DNAI4: variants seen among roughly 807,000 people sequenced by gnomAD.
DNAI4 encodes dynein axonemal intermediate chain 4.
In DNAI4, 85 loss-of-function variants were observed where a neutral mutation model predicts 105.8. The ratio of observed to expected loss-of-function variants is 0.80; its 90% CI spans 0.67 to 0.96. The LOEUF is 0.96. Among genes scored for constraint, DNAI4 ranks in the 40% least tolerant of loss-of-function variants. DNAI4 has a pLI of 0.00. For missense variants in DNAI4, 1,014 were observed against 1,005.6 expected, an observed-to-expected ratio of 1.01 and a Z score of -0.11; for synonymous variants, 352 against 331.5, an observed-to-expected ratio of 1.06 and a Z score of -0.67.
intron 1 of DNAI4, among the ~76,000 whole-genome samples, chr1:66,909,563 C>T (rs1340249866): frequency 1.3e-5 from 2 of 151,582 alleles, no homozygotes; most frequent in Non-Finnish European, 2.9e-5. Context: ...TGGCAATCAT[C>T]CTTGCACTTC....
At chr1:66,832,376 G>T (rs1645884503) in intron 13 of DNAI4, among the ~76,000 whole-genome samples, 1 of 152,150 alleles carries the variant, frequency 6.6e-6, no homozygotes, top group Non-Finnish European at 1.5e-5. Context: ...AGATGATGGT[G>T]TCACCAAAGA....
intron 7 of DNAI4, among the ~76,000 whole-genome samples, chr1:66,857,971 G>C (rs1480342671): frequency 1.3e-5 from 2 of 152,020 alleles, no homozygotes; most frequent in African/African-American, 2.4e-5. Context: ...AAGGAAAAAT[G>C]GATAATCTGA....
chr1:66,886,351 T>G (rs1271598377), intron 4 of DNAI4, among the ~76,000 whole-genome samples: 1 of 152,182 alleles, frequency 6.6e-6, no homozygotes, highest in Non-Finnish European at 1.5e-5. Context: ...GCTTGCTTGA[T>G]CTCTTGAAAA....
intron 1 of DNAI4, among the ~76,000 whole-genome samples, chr1:66,916,889 C>CT (rs57839896): frequency 0.3 from 44,893 of 147,324 alleles, 9,122 homozygotes; most frequent in African/African-American, 0.59. Flanking sequence ...AGATTTTTGC[C>CT]TTTTTTTTTT....
chr1:66,855,551 G>A (rs1646483099), intron 7 of DNAI4, among the ~76,000 whole-genome samples: 1 of 152,176 alleles, frequency 6.6e-6, no homozygotes, highest in Non-Finnish European at 1.5e-5. Context: ...AATCAAAGAA[G>A]CTGGAGTAGC....
At chr1:66,852,120 C>T (rs1319476097) in intron 7 of DNAI4, among the ~76,000 whole-genome samples, 1 of 151,878 alleles carries the variant, frequency 6.6e-6, no homozygotes, top group Non-Finnish European at 1.5e-5. Context: ...AACAACTCTA[C>T]ATAACATAAA....
intron 1 of DNAI4, among the ~76,000 whole-genome samples, chr1:66,914,771 T>C (rs1386709471): frequency 2.6e-5 from 4 of 152,160 alleles, no homozygotes; most frequent in African/African-American, 9.7e-5. Flanking sequence ...ATGCCTAATA[T>C]GTCTATGTAT....
At chr1:66,924,516 C>T (rs552008550) in intron 1 of DNAI4, 146 bp downstream of exon 1, 244 of 1,096,724 alleles carry the variant, frequency 2.2e-4, no homozygotes, top group Admixed American at 1.5e-3. Flanking sequence ...ATAAAGGAGA[C>T]ATTGTGGCCT....
rs183923472 is a variant in DNAI4, at chr1:66,827,809, A to G, written c.2112+3T>C. ...TGTTCCAACCTACTATAATTAAACT[A>G]ACCTTATGTCCTCTGTAGGTATCTA... On this transcript the variant is annotated splice_donor_region_variant and intron_variant, in intron 14 of 16. Coordinates refer to ENST00000371026, the MANE Select transcript of DNAI4 (RefSeq NM_024763.5). 2.8e-3 allele frequency: 4,288 copies of G among 1,521,602 alleles called. 7 individuals are homozygous for G. The highest frequency in any genetic ancestry group is 4.4e-3 in the Admixed American group (227 of 51,092). The allele number at this position is 1,521,602 out of a possible 1,614,324, so 94.3% of individuals were successfully genotyped here. A position where few individuals can be genotyped will look rare whatever the true frequency, so the allele number is the denominator to read the frequency against.
chr1:66,880,803 G>T (rs191075039), intron 4 of DNAI4, among the ~76,000 whole-genome samples: 95 of 152,298 alleles, frequency 6.2e-4, no homozygotes, highest in African/African-American at 2.2e-3. Flanking sequence ...AAGACAATGG[G>T]GAAAATGTCT....
At chr1:66,829,843 G>A (rs997654913) in intron 13 of DNAI4, among the ~76,000 whole-genome samples, 12 of 152,040 alleles carry the variant, frequency 7.9e-5, no homozygotes, top group Non-Finnish European at 1.0e-4. Context: ...ATAAATTCAC[G>A]GAGTTCAGTT....
chr1:66,913,608 A>C (rs1649824277), intron 1 of DNAI4, among the ~76,000 whole-genome samples: 2 of 152,106 alleles, frequency 1.3e-5, no homozygotes, highest in African/African-American at 4.8e-5. Context: ...TTGCCCAGGA[A>C]ATATATATAA....
intron 10 of DNAI4, among the ~76,000 whole-genome samples, chr1:66,837,338 C>T (rs1646046159): frequency 7.6e-6 from 1 of 131,376 alleles, no homozygotes; most frequent in East Asian, 2.5e-4. Context: ...GCACTCCAGC[C>T]TGGGCGACAA....
At chr1:66,839,336 G>T (rs967007737) in intron 9 of DNAI4, among the ~76,000 whole-genome samples, 9 of 152,032 alleles carry the variant, frequency 5.9e-5, no homozygotes, top group African/African-American at 2.2e-4. Flanking sequence ...GTTTTATAAA[G>T]ATAAATTCAT....
At chr1:66,856,632 T>C (rs1421440912) in intron 7 of DNAI4, among the ~76,000 whole-genome samples, 2 of 151,950 alleles carry the variant, frequency 1.3e-5, no homozygotes, top group African/African-American at 2.4e-5. Context: ...AGAAATCATA[T>C]ACAGTCTCAG....
intron 7 of DNAI4, among the ~76,000 whole-genome samples, chr1:66,855,320 T>C (rs543857865): frequency 3.3e-5 from 5 of 152,372 alleles, no homozygotes; most frequent in African/African-American, 1.2e-4. Flanking sequence ...CCAACTCTGA[T>C]ACTTACATAT....
intron 16 of DNAI4, among the ~76,000 whole-genome samples, chr1:66,815,411 TTTA>T (rs761448220): frequency 3.9e-5 from 6 of 152,206 alleles, no homozygotes; most frequent in Non-Finnish European, 8.8e-5. Context: ...AAATCAATGG[TTTA>T]TTTTTTCTGC....
chr1:66,826,394 G>A (rs1645754493), intron 15 of DNAI4, among the ~76,000 whole-genome samples: 1 of 152,122 alleles, frequency 6.6e-6, no homozygotes, highest in Non-Finnish European at 1.5e-5. Flanking sequence ...TGCCTCTTGG[G>A]TTGAAATGAT....
chr1:66,834,398 A>T (rs1645937630), intron 11 of DNAI4, among the ~76,000 whole-genome samples: 3 of 152,064 alleles, frequency 2.0e-5, no homozygotes, highest in Admixed American at 2.0e-4. Context: ...TAACTATATT[A>T]GCTATCATAA....
Sources: allele counts gnomAD v4.1 joint callset (sites outside exome capture counted in the v4.1 genomes callset), GRCh38; gene constraint gnomAD v4.1.1; transcripts MANE v1.5; gene names NCBI Gene and HGNC (gene_info 2026-07-23, HGNC 2026-07-21).